LAMA1: variants seen among roughly 807,000 people sequenced by gnomAD.
The protein encoded by LAMA1 is laminin subunit alpha 1.
LAMA1 carries 219 observed loss-of-function variants against 348.7 expected under a neutral mutation model. The ratio of observed to expected loss-of-function variants is 0.63; its 90% confidence interval spans 0.56 to 0.70. The LOEUF (loss-of-function observed/expected upper bound fraction) is 0.70. Ranked by LOEUF, LAMA1 falls within the 30% of genes least tolerant of loss-of-function variation. The pLI, the probability that LAMA1 is intolerant of heterozygous loss-of-function variation, is 0.00. For missense variants in LAMA1, 3,744 were observed against 3,888.0 expected (o/e 0.96, Z 0.99); for synonymous variants, 1,487 against 1,491.0 (o/e 1.00, Z 0.06).
intron 3 of LAMA1, among the ~76,000 whole-genome samples, chr18:7,056,144 T>A (rs1427585741): frequency 1.3e-5 from 2 of 151,776 alleles, no homozygotes; most frequent in Non-Finnish European, 2.9e-5. Flanking sequence ...ACGGAGAACA[T>A]CCTCATAGCT....
chr18:7,065,597 C>T (rs567600973), intron 3 of LAMA1, among the ~76,000 whole-genome samples: 20 of 151,990 alleles, frequency 1.3e-4, no homozygotes, highest in African/African-American at 2.2e-4. Context: ...TGTGGTGGCA[C>T]GCACCTGTAG....
At chr18:6,969,397 T>C (rs1008820628) in intron 48 of LAMA1, among the ~76,000 whole-genome samples, 7 of 152,172 alleles carry the variant, frequency 4.6e-5, no homozygotes, top group Non-Finnish European at 8.8e-5. Context: ...CTCTAGCCTC[T>C]CCCCAGGACA....
chr18:7,107,568 CA>C (rs1260088241), intron 1 of LAMA1, among the ~76,000 whole-genome samples: 1 of 152,080 alleles, frequency 6.6e-6, no homozygotes, highest in Non-Finnish European at 1.5e-5. Flanking sequence ...ATCCTTGACC[CA>C]GGGCCTGGAG....
In LAMA1 at chr18:7,037,559, C is replaced by T; in HGVS notation, c.1737+19G>A. On this transcript the variant is annotated intron_variant, in intron 12 of 62. Transcript: ENST00000389658. ...GAGATCTTCATCTGAGACATCGCTA[C>T]CTGCAGGGTCACACGCACCTTATTT... The T allele has an allele frequency of 1.2e-6, 2 of 1,613,666 alleles. No individual in the cohort carries two copies. Among genetic ancestry groups the T allele is most frequent in the Non-Finnish European group, 1.7e-6 (2 of 1,179,780 alleles).
At chr18:6,964,934 T>C in intron 50 of LAMA1, 131 bp from the exon 51 acceptor site, 1 of 1,053,396 alleles carries the variant, frequency 9.5e-7, no homozygotes, top group Non-Finnish European at 1.4e-6. Context: ...TTTGATCAGC[T>C]AATGTTCTTG....
chr18:7,016,768 T>C (rs2057890327), intron 20 of LAMA1, 97 bp from the exon 21 acceptor site: 6 of 1,141,488 alleles, frequency 5.3e-6, no homozygotes, highest in Middle Eastern at 4.5e-4. Context: ...GGGTATTTCA[T>C]AGAATCATAA....
Position 6,978,327 on chromosome 18 carries a change from T to C in LAMA1, c.6059A>G (p.Gln2020Arg). The C allele has an allele frequency of 6.2e-7, 1 of 1,614,264 alleles. No individual in the cohort carries two copies. The highest frequency in any genetic ancestry group is 8.5e-7 in the Non-Finnish European group (1 of 1,180,054). ...GTCCCTCAGCGTGCTCACCGCGCTC[T>C]GGCTTGCAGACGTGGCCAGCTCTTT... ...KTKELATSAS[Q>R]SAVSTLRDVA... The change falls in exon 43 of 63, where the codon CAG becomes CGG. Residue 2020 changes from glutamine (Q) to arginine (R), a missense_variant. This residue lies in a region of LAMA1 where 1,983 missense variants were observed against 1,934.3 expected (regional missense o/e 1.03). Transcript: ENST00000389658.
chr18:7,098,508 C>T (rs1320421761), intron 1 of LAMA1, among the ~76,000 whole-genome samples: 1 of 151,590 alleles, frequency 6.6e-6, no homozygotes, highest in East Asian at 2.0e-4. Context: ...GCCGCCCCGT[C>T]TGGGATGTGA....
intron 3 of LAMA1, among the ~76,000 whole-genome samples, chr18:7,075,026 C>T (rs929539654): frequency 4.0e-5 from 5 of 123,480 alleles, no homozygotes; most frequent in African/African-American, 1.6e-4. Context: ...TGACAGCTGT[C>T]ATCAATTAGA....
rs1046372906 is a variant in LAMA1, at chr18:6,970,945, G to T, written c.6899+912C>A. ...ACTTTTTAAACAAGCGAAGGAAGGG[G>T]AAAAGAGAAGGCTTAAACTACAGAC... On this transcript the variant is annotated intron_variant, in intron 48 of 62. Transcript: ENST00000389658. Among the ~76,000 whole-genome samples the T allele has an allele frequency of 9.2e-5, 14 of 152,292 alleles. 1 individual carries two copies. The highest frequency in any genetic ancestry group is 9.2e-4 in the Admixed American group (14 of 15,298).
intron 1 of LAMA1, among the ~76,000 whole-genome samples, chr18:7,098,313 G>A (rs1168375664): frequency 6.7e-5 from 10 of 150,026 alleles, no homozygotes; most frequent in Admixed American, 2.0e-4. Flanking sequence ...GCCGCCCATC[G>A]TCTGGGATGT....
chr18:6,995,574 A>T lies in LAMA1; in HGVS notation c.4807-128T>A, dbSNP rs182372260. The T allele has an allele frequency of 4.1e-3, 2,508 of 618,328 alleles. 8 individuals are homozygous for T. The highest frequency in any genetic ancestry group is 0.018 in the Admixed American group (703 of 39,988). The allele number at this position is 618,328 out of a possible 1,614,324, so 38.3% of individuals were successfully genotyped here. Reference sequence around the variant, plus strand: ...CTTCTTTCCTTGGAACTGTCATTTTAAAAAAAAATGGATCACATTTACTTA... The same window carrying T: ...CTTCTTTCCTTGGAACTGTCATTTTTAAAAAAAATGGATCACATTTACTTA... On this transcript the variant is annotated intron_variant, in intron 33 of 62. Transcript: ENST00000389658.
intron 1 of LAMA1, among the ~76,000 whole-genome samples, chr18:7,091,916 G>A (rs1174036397): frequency 3.3e-5 from 5 of 152,292 alleles, no homozygotes; most frequent in Middle Eastern, 3.4e-3. Flanking sequence ...ACACCAGCAC[G>A]AAGACCCCAA....
intron 13 of LAMA1, among the ~76,000 whole-genome samples, chr18:7,035,412 T>C (rs2057989838): frequency 6.6e-6 from 1 of 151,766 alleles, no homozygotes; most frequent in South Asian, 2.1e-4. Flanking sequence ...AAAATTTGTC[T>C]CCTTTTTACT....
chr18:6,974,859 C>G (rs377716839), intron 46 of LAMA1, 44 bp downstream of exon 46: 1 of 1,612,096 alleles, frequency 6.2e-7, no homozygotes, highest in South Asian at 1.1e-5. Flanking sequence ...TTATGAGACA[C>G]ACTTTAAAAA....
At position 6,955,599 on chromosome 18, in the gene LAMA1, G is replaced by C. The variant is rs746080571; in HGVS notation, c.8095-134C>G. ...GCAACAACCACCAGTGCCTGTTGGC[G>C]CTCACTCCATCTTCGGTTTAAATGA... On this transcript the variant is annotated intron_variant, in intron 56 of 62. Transcript: ENST00000389658. The C allele has an allele frequency of 9.8e-6, 7 of 712,444 alleles. No homozygotes were observed. The South Asian group carries it at 1.0e-4, about 11-fold the overall frequency. The allele number at this position is 712,444 out of a possible 1,614,324, so 44.1% of individuals were successfully genotyped here.
chr18:7,044,461 T>TA (rs1174211300), intron 7 of LAMA1, among the ~76,000 whole-genome samples: 5 of 151,804 alleles, frequency 3.3e-5, no homozygotes, highest in African/African-American at 9.7e-5. Flanking sequence ...TATCCCATGG[T>TA]AAAAAAACAA....
At chr18:6,980,003 A>G (rs1432877049) in intron 42 of LAMA1, among the ~76,000 whole-genome samples, 2 of 150,952 alleles carry the variant, frequency 1.3e-5, no homozygotes, top group South Asian at 2.1e-4. Flanking sequence ...CTGTTACAAT[A>G]AAATTACTGT....
chr18:6,957,308 C>A (rs1481993418), intron 55 of LAMA1: 2 of 164,066 alleles, frequency 1.2e-5, no homozygotes, highest in African/African-American at 4.8e-5. Context: ...ACCGAGTCCA[C>A]AAACCCATGA....
Sources: gnomAD v4.1 joint callset for allele counts (sites outside exome capture counted in the v4.1 genomes callset) on GRCh38, gnomAD v4.1.1 for gene constraint, gnomAD v4.1.1 regional missense constraint, MANE v1.5 for transcripts, NCBI Gene and HGNC (gene_info 2026-07-23, HGNC 2026-07-21) for gene names.